TRIM9: variants seen among roughly 807,000 people sequenced by gnomAD.
TRIM9 encodes the protein E3 ubiquitin-protein ligase TRIM9.
TRIM9 carries 26 observed loss-of-function variants against 78.3 expected under a neutral mutation model. The observed-to-expected ratio is 0.33, with a 90% CI of 0.24 to 0.46. The LOEUF is 0.46. Ranked by LOEUF, TRIM9 falls within the 20% of genes least tolerant of loss-of-function variation. The probability of loss-of-function intolerance (pLI) is 1.00; values close to 1 mark genes in which losing one functional copy is unlikely to be tolerated. For synonymous variants in TRIM9, 398 were observed against 416.5 expected (o/e 0.96, Z 0.54); for missense variants, 787 against 1,036.4 (o/e 0.76, Z 3.30).
rs1216118894 is a variant in TRIM9, at chr14:51,005,897, G to A, written c.1306+3183C>T. Among the ~76,000 whole-genome samples the A allele has an allele frequency of 4.6e-5, 7 of 152,302 alleles. No individual in the cohort carries two copies. In the East Asian group the frequency reaches 1.4e-3, roughly 29 times the overall value. On this transcript the variant is annotated intron_variant, in intron 5 of 12. Coordinates refer to ENST00000684578, the MANE Select transcript of TRIM9 (RefSeq NM_001387360.1). ...GGTGGTGTGGAATCAGAATGGGTCA[G>A]TTAAATCCGTAGCTAATAAGAGAGT...
intron 5 of TRIM9, among the ~76,000 whole-genome samples, chr14:51,007,876 G>C (rs2056041316): frequency 6.6e-6 from 1 of 150,884 alleles, no homozygotes; most frequent in Admixed American, 6.6e-5. Context: ...CACATACCAA[G>C]TACAGGAACG....
intron 1 of TRIM9, among the ~76,000 whole-genome samples, chr14:51,055,083 A>G (rs2060795075): frequency 6.6e-6 from 1 of 152,046 alleles, no homozygotes; most frequent in South Asian, 2.1e-4. Context: ...CGGCCTCCCA[A>G]AGTGCTGGGA....
At chr14:51,018,021 T>C (rs1191186851) in intron 3 of TRIM9, among the ~76,000 whole-genome samples, 1 of 152,190 alleles carries the variant, frequency 6.6e-6, no homozygotes, top group Admixed American at 6.5e-5. Flanking sequence ...TCAATCATAA[T>C]TGTGGTTAAA....
chr14:51,005,939 C>G (rs1035283849), intron 5 of TRIM9, among the ~76,000 whole-genome samples: 4 of 152,154 alleles, frequency 2.6e-5, no homozygotes, highest in Non-Finnish European at 2.9e-5. Flanking sequence ...TTAGATAGTG[C>G]ATTCTTGCTG....
chr14:50,997,451 A>G (rs1048073780), intron 7 of TRIM9: 1 of 985,462 alleles, frequency 1.0e-6, no homozygotes, highest in Non-Finnish European at 1.2e-6. Flanking sequence ...TTTGGTGCCC[A>G]CAGGAAGTCT....
rs2051026833 is a variant in TRIM9, at chr14:50,975,468, A to G, written c.*1823T>C. On this transcript the variant is annotated 3_prime_UTR_variant, in exon 13 of 13. Coordinates refer to ENST00000684578, the MANE Select transcript of TRIM9 (RefSeq NM_001387360.1). ...GCCATTGAGTCTCATTGGAGAGTAA[A>G]TCAAATATCAAACTAGTGTTGCCCT... 1 of 152,682 alleles carries G rather than the reference A, an allele frequency of 6.5e-6. No homozygotes were observed. The highest frequency in any genetic ancestry group is 6.5e-5 in the Admixed American group (1 of 15,288). 9.5% of individuals were successfully genotyped at this position (152,682 alleles called of 1,614,324 possible).
intron 1 of TRIM9, among the ~76,000 whole-genome samples, chr14:51,030,620 A>G (rs1302160872): frequency 6.6e-6 from 1 of 151,914 alleles, no homozygotes; most frequent in African/African-American, 2.4e-5. Context: ...TATGCCTGTG[A>G]GTGTGTGAAA....
chr14:51,001,206 C>T (rs1017424257), intron 5 of TRIM9, among the ~76,000 whole-genome samples: 2 of 151,630 alleles, frequency 1.3e-5, no homozygotes, highest in African/African-American at 4.8e-5. Context: ...TAACTTATAA[C>T]GTGCCTGAAG....
intron 11 of TRIM9, 24 bp downstream of exon 11, chr14:50,981,776 C>T (rs769042218): frequency 1.2e-6 from 2 of 1,612,228 alleles, no homozygotes; most frequent in Non-Finnish European, 1.7e-6. Context: ...GTGAAGAAGG[C>T]TTGGTTTGGG....
chr14:51,011,032 T>C (rs1259386698), intron 3 of TRIM9, among the ~76,000 whole-genome samples: 1 of 152,100 alleles, frequency 6.6e-6, no homozygotes, highest in Non-Finnish European at 1.5e-5. Flanking sequence ...GCGTGGATGG[T>C]GGGGGACCTG....
At chr14:51,026,917 G>A (rs535171697) in intron 1 of TRIM9, among the ~76,000 whole-genome samples, 2 of 152,250 alleles carry the variant, frequency 1.3e-5, no homozygotes, top group Non-Finnish European at 2.9e-5. Flanking sequence ...GAAAGCTTCT[G>A]CTAGTTAAGG....
Position 51,046,441 on chromosome 14 carries a change from C to T in TRIM9, c.823-21081G>A, listed in dbSNP as rs374906533. 2.5e-3 allele frequency among the ~76,000 whole-genome samples: 383 copies of T among 152,280 alleles called. 18 individuals carry two copies. In the South Asian group the frequency reaches 0.076, roughly 30 times the overall value. On this transcript the variant is annotated intron_variant, in intron 1 of 12. Transcript: ENST00000684578. ...CACTGTACTATGGTTTTGCAAAATGCTACCACTGGGAGAAACTGGGAAAAG... is the reference window on the plus strand; with the variant it reads ...CACTGTACTATGGTTTTGCAAAATGTTACCACTGGGAGAAACTGGGAAAAG...
intron 3 of TRIM9, among the ~76,000 whole-genome samples, chr14:51,011,012 C>G (rs72687121): frequency 6.6e-6 from 1 of 152,132 alleles, no homozygotes; most frequent in Non-Finnish European, 1.5e-5. Context: ...TGTTCTGCAT[C>G]TTTTTCCTTG....
intron 7 of TRIM9, 56 bp downstream of exon 7, chr14:50,997,994 G>A (rs1441016011): frequency 6.2e-7 from 1 of 1,609,832 alleles, no homozygotes; most frequent in Non-Finnish European, 8.5e-7. Flanking sequence ...GGGCTTGCCA[G>A]CCACTTTAGA....
rs181972423 is a variant in TRIM9 at position 50,975,307 on chromosome 14, A to T, written c.*1984T>A. 154 of 152,756 alleles carry T rather than the reference A, an allele frequency of 1.0e-3. No individual in the cohort carries two copies. The highest frequency in any genetic ancestry group is 3.6e-3 in the African/African-American group (148 of 41,576). The allele number at this position is 152,756 out of a possible 1,614,324, so 9.5% of individuals were successfully genotyped here. ...ATTTATTGGCACATCAGAAATGACA[A>T]TTTTTTCTAGTATAGTAGTTGTATG... is the stretch of plus-strand genomic sequence containing the variant. On this transcript the variant is annotated 3_prime_UTR_variant, in exon 13 of 13. Transcript: ENST00000684578.
chr14:51,094,865 G>A lies in TRIM9; in HGVS notation c.75C>T (p.Cys25=), dbSNP rs771732042. 2 of 1,530,448 alleles carry A rather than the reference G, an allele frequency of 1.3e-6. No individual in the cohort carries two copies. The highest frequency in any genetic ancestry group is 2.3e-5 in the East Asian group (1 of 44,286). The allele number at this position is 1,530,448 out of a possible 1,614,324, so 94.8% of individuals were successfully genotyped here. ...CGCACGCCTGACACAAATTGTGAGA[G>A]CAGGGCAGGATGATGGGCTCCCGAT... is the stretch of plus-strand genomic sequence containing the variant. ...SFYREPIILP[C]SHNLCQACAR... is the part of the protein sequence containing the mutation. Residue 25 remains cysteine (C), a synonymous_variant, in exon 1 of 13, where the codon TGC becomes TGT. Transcript: ENST00000684578.
chr14:50,978,401 T>C (rs2051342486), intron 12 of TRIM9, among the ~76,000 whole-genome samples: 2 of 151,844 alleles, frequency 1.3e-5, no homozygotes, highest in Admixed American at 1.3e-4. Flanking sequence ...CCCCCATGCA[T>C]GGCTCTGGTC....
In TRIM9 at chr14:51,017,587, G is replaced by A. The variant is rs117057713; in HGVS notation, c.1041+5248C>T. Among the ~76,000 whole-genome samples, 327 of 152,328 alleles carry A rather than the reference G, an allele frequency of 2.1e-3. 5 individuals are homozygous for A. The highest frequency in any genetic ancestry group is 0.016 in the East Asian group (83 of 5,192). On this transcript the variant is annotated intron_variant, in intron 3 of 12. Transcript: ENST00000684578. ...CATATTGGGCAGTCCCAACCACACA[G>A]GAGAACATTTACCACTGAAGGTGGG...
chr14:50,982,344 A>G (rs1347763132), intron 10 of TRIM9: 1 of 554,070 alleles, frequency 1.8e-6, no homozygotes, highest in Non-Finnish European at 3.2e-6. Flanking sequence ...TGCACTCCCA[A>G]CCAGGTGATC....
Sources: allele counts gnomAD v4.1 joint callset (sites outside exome capture counted in the v4.1 genomes callset), GRCh38; gene constraint gnomAD v4.1.1; transcripts MANE v1.5; gene names NCBI Gene and HGNC (gene_info 2026-07-23, HGNC 2026-07-21).